Variants in STK32B observed in about 807,000 individuals in gnomAD.
The protein encoded by STK32B is serine/threonine kinase 32B, also known as serine/threonine-protein kinase 32B.
In STK32B, 43 loss-of-function variants were observed where a neutral mutation model predicts 52.6. The observed-to-expected ratio is 0.82, with a 90% confidence interval of 0.64 to 1.05. The LOEUF is 1.05. STK32B is among the 50% of genes least tolerant of loss of function. STK32B has a pLI of 0.00. For missense variants in STK32B, 621 were observed against 534.6 expected, an observed-to-expected ratio of 1.16 and a Z score of -1.59; for synonymous variants, 238 against 204.3, an observed-to-expected ratio of 1.17 and a Z score of -1.41.
intron 4 of STK32B, among the ~76,000 whole-genome samples, chr4:5,332,853 C>A (rs1253440963): frequency 6.6e-6 from 1 of 152,112 alleles, no homozygotes; most frequent in African/African-American, 2.4e-5. Context: ...GCATAGTATT[C>A]CATGGTGTAT....
At chr4:5,463,251 C>T (rs1371750946) in intron 9 of STK32B, among the ~76,000 whole-genome samples, 2 of 152,252 alleles carry the variant, frequency 1.3e-5, no homozygotes, top group African/African-American at 4.8e-5. Flanking sequence ...TGCAGTCCTG[C>T]ACATCAGGCA....
chr4:5,381,870 C>T lies in STK32B; in HGVS notation c.435-16337C>T, dbSNP rs371926617. Among the ~76,000 whole-genome samples, 299 of 151,842 alleles carry T rather than the reference C, an allele frequency of 2.0e-3. 2 individuals carry two copies. The highest frequency in any genetic ancestry group is 6.4e-3 in the African/African-American group (263 of 41,370). ...AGAAACAGAACCAACAGGATGTGTG[C>T]GTATGAAGGAGGGAGGGAAGGAAGG... On this transcript the variant is annotated intron_variant, in intron 4 of 11. Coordinates refer to ENST00000282908, the MANE Select transcript of STK32B (RefSeq NM_018401.3).
Position 5,065,698 on chromosome 4 carries a change from CAT to C in STK32B, c.52+13788_52+13789del, listed in dbSNP as rs200027135. Among the ~76,000 whole-genome samples the C allele has an allele frequency of 7.6e-3, 1,155 of 152,252 alleles. 16 individuals are homozygous for C. The highest frequency in any genetic ancestry group is 0.026 in the African/African-American group (1,061 of 41,544). ...TGAGAGTCAATAAATTAATAACTAA[CAT>C]ATATTTTTATATGACAGTGACTCAG... On this transcript the variant is annotated intron_variant, in intron 1 of 11. Coordinates refer to ENST00000282908, the MANE Select transcript of STK32B (RefSeq NM_018401.3).
intron 11 of STK32B, among the ~76,000 whole-genome samples, chr4:5,482,131 G>C (rs1259524659): frequency 2.6e-5 from 4 of 152,174 alleles, no homozygotes; most frequent in African/African-American, 9.7e-5. Context: ...GAAAGTCATT[G>C]GTAGCTTGAT....
chr4:5,119,850 TG>T (rs1444709607), intron 1 of STK32B, among the ~76,000 whole-genome samples: 1 of 152,234 alleles, frequency 6.6e-6, no homozygotes. Context: ...AACTCCATTT[TG>T]TAAAAAGTTT....
intron 11 of STK32B, among the ~76,000 whole-genome samples, chr4:5,472,338 G>T (rs1717909394): frequency 6.6e-6 from 1 of 152,234 alleles, no homozygotes; most frequent in South Asian, 2.1e-4. Flanking sequence ...AACCTCTCTG[G>T]ACCTTTGTTT....
At chr4:5,170,886 T>C (rs185371974) in intron 3 of STK32B, among the ~76,000 whole-genome samples, 28,945 of 152,154 alleles carry the variant, frequency 0.19, 3,495 homozygotes, top group East Asian at 0.36. Context: ...AATCGCCACA[T>C]TGACCTCCAC....
At chr4:5,417,738 C>T (rs552296347) in intron 6 of STK32B, among the ~76,000 whole-genome samples, 2 of 152,260 alleles carry the variant, frequency 1.3e-5, no homozygotes, top group South Asian at 4.1e-4. Context: ...TTATCAATTA[C>T]TGTGTAACAA....
At chr4:5,411,334 C>T (rs1375034781) in intron 5 of STK32B, among the ~76,000 whole-genome samples, 1 of 151,910 alleles carries the variant, frequency 6.6e-6, no homozygotes, top group East Asian at 1.9e-4. Flanking sequence ...TGTGCCCGGC[C>T]AGGGCCCCAT....
At chr4:5,107,855 A>T (rs1202635622) in intron 1 of STK32B, among the ~76,000 whole-genome samples, 1 of 152,104 alleles carries the variant, frequency 6.6e-6, no homozygotes. Context: ...TGTAAATTCT[A>T]TGCATTTTAA....
chr4:5,385,864 G>A (rs1577427126), intron 4 of STK32B, among the ~76,000 whole-genome samples: 1 of 147,566 alleles, frequency 6.8e-6, no homozygotes. Flanking sequence ...CCCACCCACA[G>A]CTCCACCTAC....
chr4:5,329,749 A>G (rs1370414213), intron 3 of STK32B, among the ~76,000 whole-genome samples: 1 of 152,134 alleles, frequency 6.6e-6, no homozygotes, highest in Non-Finnish European at 1.5e-5. Flanking sequence ...GACGCAATAA[A>G]CAGCCCCCTT....
chr4:5,498,320 C>G (rs576350416), intron 11 of STK32B, among the ~76,000 whole-genome samples: 66 of 152,304 alleles, frequency 4.3e-4, no homozygotes, highest in Non-Finnish European at 8.5e-4. Flanking sequence ...TGGCCCACTG[C>G]TAGGAAATGC....
At chr4:5,408,143 G>C (rs79635744) in intron 5 of STK32B, among the ~76,000 whole-genome samples, 14 of 152,052 alleles carry the variant, frequency 9.2e-5, no homozygotes, top group Non-Finnish European at 2.1e-4. Context: ...CAGCCCAAAC[G>C]GACTGAGATG....
chr4:5,433,095 C>CCAGG (rs1392860536), intron 6 of STK32B, among the ~76,000 whole-genome samples: 2 of 151,984 alleles, frequency 1.3e-5, no homozygotes, highest in African/African-American at 4.8e-5. Context: ...TTAAAGAGCC[C>CCAGG]CAGGCTGGAG....
chr4:5,393,932 C>T (rs761672025), intron 4 of STK32B, among the ~76,000 whole-genome samples: 6 of 152,140 alleles, frequency 3.9e-5, no homozygotes, highest in Non-Finnish European at 8.8e-5. Context: ...ATAGCATATT[C>T]CCTTCACTAG....
Position 5,470,202 on chromosome 4 carries a change from A to C in STK32B, c.1106+2132A>C, listed in dbSNP as rs1194092825. 1.3e-5 allele frequency among the ~76,000 whole-genome samples: 2 copies of C among 152,100 alleles called. No individual in the cohort carries two copies. ...TTTAGCAGAAACCTCACTATATAGG[A>C]GCTTCAGCCGAGTAGATGTTTTCTT... is the stretch of plus-strand genomic sequence containing the variant. On this transcript the variant is annotated intron_variant, in intron 11 of 11. Coordinates refer to ENST00000282908, the MANE Select transcript of STK32B (RefSeq NM_018401.3). This position sits in a 1 kb window ranked among gnomAD's most constrained non-coding sequence, Gnocchi z 4.6.
intron 3 of STK32B, among the ~76,000 whole-genome samples, chr4:5,238,059 A>C (rs913201565): frequency 6.6e-6 from 1 of 152,210 alleles, no homozygotes; most frequent in African/African-American, 2.4e-5. Context: ...TATGATTGTG[A>C]TTCTTTGATG....
intron 3 of STK32B, among the ~76,000 whole-genome samples, chr4:5,246,027 T>G (rs1348069465): frequency 2.0e-5 from 3 of 152,202 alleles, no homozygotes; most frequent in African/African-American, 7.2e-5. Flanking sequence ...ATTTCAACTT[T>G]GGTGAATCTG....
Sources: gnomAD v4.1 joint callset for allele counts (sites outside exome capture counted in the v4.1 genomes callset) on GRCh38, gnomAD v4.1.1 for gene constraint, Gnocchi (gnomAD v3.1) non-coding constraint, MANE v1.5 for transcripts, NCBI Gene and HGNC (gene_info 2026-07-23, HGNC 2026-07-21) for gene names.